The following ALMS1 variants were observed in gnomAD, a reference collection of about 807,000 sequenced individuals.
ALMS1 encodes centrosome-associated protein ALMS1.
Under a neutral mutation model 352.2 loss-of-function variants are expected in ALMS1, and 271 were observed. The observed-to-expected ratio is 0.77, with a 90% CI of 0.70 to 0.85. The LOEUF is 0.85. Among genes scored for constraint, ALMS1 ranks in the 40% least tolerant of loss-of-function variants. The probability of loss-of-function intolerance (pLI) is 0.00; values close to 1 mark genes in which losing one functional copy is unlikely to be tolerated. For missense variants in ALMS1, 5,445 were observed against 4,870.7 expected (o/e 1.12, Z -3.51); for synonymous variants, 1,865 against 1,761.2 (o/e 1.06, Z -1.48).
At chr2:73,471,083 A>G (rs1052702083) in intron 9 of ALMS1, 1 of 151,820 alleles carries the variant, frequency 6.6e-6, no homozygotes, top group African/African-American at 2.4e-5. Flanking sequence ...AGTTTACTCC[A>G]TTTACATTAA....
intron 16 of ALMS1, among the ~76,000 whole-genome samples, chr2:73,583,867 A>G (rs1016995429): frequency 6.6e-5 from 10 of 152,104 alleles, no homozygotes; most frequent in South Asian, 6.2e-4. Flanking sequence ...ATATCACACT[A>G]TTTTGATTAC....
intron 18 of ALMS1, 117 bp from the exon 19 acceptor site, chr2:73,601,078 G>A: frequency 6.5e-7 from 1 of 1,527,652 alleles, no homozygotes; most frequent in Non-Finnish European, 9.0e-7. Context: ...GCACCCTGTG[G>A]CCTCTGACAG....
At chr2:73,600,981 A>C (rs1573053768) in intron 18 of ALMS1, 100 bp downstream of exon 18, 1 of 1,430,286 alleles carries the variant, frequency 7.0e-7, no homozygotes. Context: ...TGTGGTCCCC[A>C]CCTACCCCCA....
chr2:73,462,690 G>C, intron 9 of ALMS1: 1 of 152,210 alleles, frequency 6.6e-6, no homozygotes, highest in East Asian at 1.9e-4. Context: ...AGACCCATCA[G>C]TGTGCTGTAT....
Position 73,602,213 on chromosome 2 carries a change from T to G in ALMS1, c.12143T>G (p.Phe4048Cys). 7 of 1,614,136 alleles carry G rather than the reference T, an allele frequency of 4.3e-6. No individual in the cohort carries two copies. The highest frequency in any genetic ancestry group is 5.9e-6 in the Non-Finnish European group (7 of 1,179,986). Reference protein sequence around the residue: ...QESLQFHRPDFISRSGERIKR... With the variant: ...QESLQFHRPDCISRSGERIKR... ...TCGCTTCAGTTTCACAGACCTGACTTCATCTCCCGCTCTGGGGAGCGGATA... is the reference window on the plus strand; with the variant it reads ...TCGCTTCAGTTTCACAGACCTGACTGCATCTCCCGCTCTGGGGAGCGGATA... Residue 4048 changes from phenylalanine (F) to cysteine (C), a missense_variant, in exon 20 of 23, where the codon TTC (phenylalanine) becomes TGC (cysteine). Phe to Cys is a radical substitution (Grantham distance 205, BLOSUM62 -2). Transcript: ENST00000613296.
rs1303642220 is a variant in ALMS1 at position 73,453,185 on chromosome 2, A to G, written c.6658A>G (p.Asn2220Asp). The G allele has an allele frequency of 3.7e-6, 6 of 1,613,944 alleles. No individual in the cohort carries two copies. In the African/African-American group the frequency reaches 8.0e-5, roughly 22 times the overall value. ...TTCTGACTCCAGTGTTAGCTCAAAT[A>G]ATGTGCTTTTAAATTCTCAGGCTGA... Reference protein sequence around the residue: ...NSSDSSVSSNNVLLNSQADDR... With the variant: ...NSSDSSVSSNDVLLNSQADDR... The change falls in exon 8 of 23, where the codon AAT becomes GAT. Residue 2220 changes from asparagine (N) to aspartate (D), a missense_variant. Physicochemically the swap from Asn to Asp is conservative, Grantham distance 23. Transcript: ENST00000613296.
At chr2:73,397,449 C>T (rs1423174216) in intron 1 of ALMS1, among the ~76,000 whole-genome samples, 1 of 151,470 alleles carries the variant, frequency 6.6e-6, no homozygotes, top group Non-Finnish European at 1.5e-5. Context: ...TTCACCAGAC[C>T]TCTGTTTTGG....
intron 9 of ALMS1, among the ~76,000 whole-genome samples, chr2:73,478,766 A>C (rs1235500796): frequency 6.6e-6 from 1 of 151,944 alleles, no homozygotes; most frequent in Non-Finnish European, 1.5e-5. Context: ...GGTTTGCTGC[A>C]CCTATCAACC....
At chr2:73,538,279 A>G (rs1674075272) in intron 12 of ALMS1, among the ~76,000 whole-genome samples, 1 of 152,188 alleles carries the variant, frequency 6.6e-6, no homozygotes, top group Non-Finnish European at 1.5e-5. Context: ...AAGACGTGCA[A>G]ATAGCCAATA....
chr2:73,563,740 ATAAAAAT>A (rs370817352), intron 15 of ALMS1, among the ~76,000 whole-genome samples: 37,600 of 121,834 alleles, frequency 0.31, 7,688 homozygotes, highest in African/African-American at 0.56. Context: ...AAAAAAAAAA[ATAAAAAT>A]AAAAAATGAA....
Position 73,603,304 on chromosome 2 carries a change from G to A in ALMS1, c.12362G>A (p.Arg4121Gln), listed in dbSNP as rs376602261. The A allele has an allele frequency of 2.0e-5, 32 of 1,613,962 alleles. No homozygotes were observed. Among genetic ancestry groups the A allele is most frequent in the African/African-American group, 1.1e-4 (8 of 74,984 alleles). ...SKKEMIQRSK[R>Q]IYEQLPEVQK... The stretch of plus-strand genomic sequence containing the variant: ...AAGGAAATGATTCAGAGGTCCAAAC[G>A]GTAAGACCAAGAAAACAAGAGTACG... The change falls in exon 21 of 23, where the codon CGG (arginine) becomes CAG (glutamine). Residue 4121 changes from arginine (R) to glutamine (Q), a missense_variant and splice_region_variant. Transcript: ENST00000613296.
intron 10 of ALMS1, among the ~76,000 whole-genome samples, chr2:73,500,003 C>T (rs1161105045): frequency 1.3e-5 from 2 of 152,328 alleles, no homozygotes; most frequent in East Asian, 3.9e-4. Context: ...GCCTGCAGAA[C>T]TGTGAGCCAA....
intron 10 of ALMS1, among the ~76,000 whole-genome samples, chr2:73,509,069 GT>G (rs542784943): frequency 9.2e-5 from 14 of 151,882 alleles, no homozygotes; most frequent in African/African-American, 3.4e-4. Context: ...TTGTTTTGTT[GT>G]TGTTGTTATT....
intron 9 of ALMS1, among the ~76,000 whole-genome samples, chr2:73,464,116 A>G (rs2103822080): frequency 6.6e-6 from 1 of 152,346 alleles, no homozygotes; most frequent in East Asian, 1.9e-4. Flanking sequence ...TCATTCTGAT[A>G]CCAAAGCCAG....
Position 73,503,358 on chromosome 2 carries a change from T to C in ALMS1, c.9539+11860T>C, listed in dbSNP as rs548677634. 5.9e-5 allele frequency among the ~76,000 whole-genome samples: 9 copies of C among 152,266 alleles called. No individual in the cohort carries two copies. In the South Asian group the frequency reaches 1.9e-3, roughly 32 times the overall value. On this transcript the variant is annotated intron_variant, in intron 10 of 22. Transcript: ENST00000613296. ...GTGAGAATATGCAGTGTTTGGTTTTTTGTTCTTGCTATAGTTTACTGAGAA... is the reference window on the plus strand; with the variant it reads ...GTGAGAATATGCAGTGTTTGGTTTTCTGTTCTTGCTATAGTTTACTGAGAA...
chr2:73,555,734 G>C (rs1401287847), intron 13 of ALMS1, among the ~76,000 whole-genome samples: 1 of 152,160 alleles, frequency 6.6e-6, no homozygotes, highest in Non-Finnish European at 1.5e-5. Context: ...GTTCATTGCA[G>C]TGCTTTTCAA....
chr2:73,591,503 T>C (rs1449116723), intron 16 of ALMS1, among the ~76,000 whole-genome samples: 1 of 152,200 alleles, frequency 6.6e-6, no homozygotes, highest in African/African-American at 2.4e-5. Context: ...GAAATTTCCG[T>C]TCAAAACAAC....
intron 7 of ALMS1, among the ~76,000 whole-genome samples, chr2:73,435,327 TTTA>T (rs1300650239): frequency 2.0e-5 from 3 of 152,292 alleles, no homozygotes; most frequent in East Asian, 1.9e-4. Context: ...CTGTTCCCCT[TTTA>T]TTATTGCATG....
chr2:73,485,854 C>T (rs1240492844), intron 9 of ALMS1, among the ~76,000 whole-genome samples: 1 of 152,138 alleles, frequency 6.6e-6, no homozygotes, highest in Non-Finnish European at 1.5e-5. Context: ...CGTCCGTCAC[C>T]CCTTTCTTTG....
Sources: allele counts gnomAD v4.1 joint callset (sites outside exome capture counted in the v4.1 genomes callset), GRCh38; gene constraint gnomAD v4.1.1; transcripts MANE v1.5; gene names NCBI Gene and HGNC (gene_info 2026-07-23, HGNC 2026-07-21).